The following RBBP8 variants were observed in gnomAD, a reference collection of about 807,000 sequenced individuals.
RBBP8 encodes DNA endonuclease RBBP8.
A neutral mutation model predicts 108.3 loss-of-function variants in RBBP8; 88 were observed. That is an observed-to-expected ratio of 0.81 (90% confidence interval 0.68 to 0.97). The LOEUF (loss-of-function observed/expected upper bound fraction) is 0.97. Among genes scored for constraint, RBBP8 ranks in the 50% least tolerant of loss-of-function variants. The probability of loss-of-function intolerance (pLI) is 0.00; values close to 1 mark genes in which losing one functional copy is unlikely to be tolerated. For missense variants in RBBP8, 1,023 were observed against 1,049.0 expected, an observed-to-expected ratio of 0.98 and a Z score of 0.34; for synonymous variants, 332 against 348.2, an observed-to-expected ratio of 0.95 and a Z score of 0.52.
chr18:22,972,250 G>A (rs1914151702), intron 5 of RBBP8, among the ~76,000 whole-genome samples: 1 of 149,340 alleles, frequency 6.7e-6, no homozygotes, highest in Non-Finnish European at 1.5e-5. Flanking sequence ...CCAGCTACTC[G>A]GAAGGCTGAA....
chr18:22,942,193 C>G (rs1434923857), intron 2 of RBBP8, among the ~76,000 whole-genome samples: 1 of 152,014 alleles, frequency 6.6e-6, no homozygotes, highest in Non-Finnish European at 1.5e-5. Flanking sequence ...TGACTCATGA[C>G]TTTTAAAGCT....
At chr18:22,999,141 A>C (rs1247946861) in intron 14 of RBBP8, among the ~76,000 whole-genome samples, 1 of 152,260 alleles carries the variant, frequency 6.6e-6, no homozygotes, top group Non-Finnish European at 1.5e-5. Flanking sequence ...AGGGGAAATT[A>C]TAGAGATAAT....
chr18:22,930,285 G>T (rs753133675), upstream of RBBP8, among the ~76,000 whole-genome samples: 25 of 152,294 alleles, frequency 1.6e-4, no homozygotes, highest in Admixed American at 9.8e-4. Context: ...CCTGAAGGTG[G>T]CAGCACTGGG....
chr18:22,965,135 C>G (rs1913467578), intron 4 of RBBP8, among the ~76,000 whole-genome samples: 1 of 152,076 alleles, frequency 6.6e-6, no homozygotes, highest in Non-Finnish European at 1.5e-5. Flanking sequence ...ATGATTGTGA[C>G]TGTGATAGCA....
chr18:22,948,140 ATTAT>A (rs555331689), intron 3 of RBBP8, among the ~76,000 whole-genome samples: 14 of 152,212 alleles, frequency 9.2e-5, no homozygotes, highest in East Asian at 1.9e-4. Context: ...TATGATACAG[ATTAT>A]TTAAGGCAAA....
At chr18:22,924,928 G>A (rs1909734333) in intron 3 of RBBP8, among the ~76,000 whole-genome samples, 1 of 150,038 alleles carries the variant, frequency 6.7e-6, no homozygotes, top group African/African-American at 2.5e-5. Context: ...CCAGGGTCTC[G>A]CTTTGTCACC....
intron 2 of RBBP8, among the ~76,000 whole-genome samples, chr18:22,942,903 T>C (rs1428177353): frequency 6.6e-6 from 1 of 152,114 alleles, no homozygotes; most frequent in Non-Finnish European, 1.5e-5. Flanking sequence ...AACATCTAGC[T>C]AATATATTTT....
intron 8 of RBBP8, among the ~76,000 whole-genome samples, chr18:22,986,769 A>G (rs1234457976): frequency 1.3e-5 from 2 of 152,140 alleles, no homozygotes; most frequent in Non-Finnish European, 2.9e-5. Context: ...AAAGTTACAT[A>G]CTGAAAGCTA....
At chr18:22,923,141 T>A (rs1301704095) in intron 3 of RBBP8, among the ~76,000 whole-genome samples, 1 of 152,156 alleles carries the variant, frequency 6.6e-6, no homozygotes, top group Admixed American at 6.5e-5. Flanking sequence ...TTCTTACATA[T>A]ATATATATAT....
chr18:23,022,332 G>A (rs1598754640), intron 18 of RBBP8, 62 bp downstream of exon 18: 3 of 1,492,318 alleles, frequency 2.0e-6, no homozygotes, highest in East Asian at 2.3e-5. Flanking sequence ...CGGGCACAGT[G>A]GCTCACGCCT....
intron 2 of RBBP8, among the ~76,000 whole-genome samples, chr18:22,937,418 C>CT (rs1320871975): frequency 1.3e-5 from 2 of 151,310 alleles, no homozygotes; most frequent in African/African-American, 4.9e-5. Flanking sequence ...TGTATATATA[C>CT]TTTTTTTTAA....
intron 18 of RBBP8, among the ~76,000 whole-genome samples, chr18:23,023,874 T>TTC (rs886381839): frequency 3.9e-5 from 5 of 128,050 alleles, no homozygotes; most frequent in Admixed American, 1.6e-4. Context: ...GGGGCCTTTT[T>TTC]TTTTTTTTTT....
chr18:23,010,327 C>T (rs1359618138), intron 16 of RBBP8, among the ~76,000 whole-genome samples: 2 of 152,066 alleles, frequency 1.3e-5, no homozygotes, highest in African/African-American at 4.8e-5. Flanking sequence ...CTGTCATTTT[C>T]CAGGTGGCTC....
intron 4 of RBBP8, among the ~76,000 whole-genome samples, chr18:22,966,742 G>GA (rs1913637240): frequency 2.6e-5 from 1 of 38,604 alleles, no homozygotes; most frequent in African/African-American, 7.5e-5. Context: ...TTTTTTTTTT[G>GA]GAGAGAGAGA....
intron 4 of RBBP8, among the ~76,000 whole-genome samples, chr18:22,953,728 CTA>C (rs1178420325): frequency 6.6e-6 from 1 of 151,256 alleles, no homozygotes; most frequent in Non-Finnish European, 1.5e-5. Flanking sequence ...TTTATGTAGT[CTA>C]TATATTTTTT....
At chr18:22,956,771 A>G (rs1192759597) in intron 4 of RBBP8, among the ~76,000 whole-genome samples, 1 of 152,190 alleles carries the variant, frequency 6.6e-6, no homozygotes, top group African/African-American at 2.4e-5. Flanking sequence ...AGATAATAAA[A>G]AGTTCTAAGT....
At chr18:23,020,903 T>C (rs896261256) in intron 17 of RBBP8, among the ~76,000 whole-genome samples, 1 of 152,220 alleles carries the variant, frequency 6.6e-6, no homozygotes, top group African/African-American at 2.4e-5. Context: ...CAAAGGCTTA[T>C]ACTTAGGGCA....
At chr18:22,950,539 C>T (rs566779918) in intron 4 of RBBP8, among the ~76,000 whole-genome samples, 26 of 150,608 alleles carry the variant, frequency 1.7e-4, no homozygotes, top group Admixed American at 6.6e-4. Flanking sequence ...CTGCTGCGCT[C>T]CAGCCTGGGT....
At chr18:22,941,725 A>T (rs1037376991) in intron 2 of RBBP8, among the ~76,000 whole-genome samples, 3 of 152,066 alleles carry the variant, frequency 2.0e-5, no homozygotes, top group Admixed American at 6.5e-5. Flanking sequence ...ACATTCCCAC[A>T]AAAGTTTCTA....
Sources: allele counts gnomAD v4.1 joint callset (sites outside exome capture counted in the v4.1 genomes callset), GRCh38; gene constraint gnomAD v4.1.1; transcripts MANE v1.5; gene names NCBI Gene and HGNC (gene_info 2026-07-23, HGNC 2026-07-21).